The following PIGS variants were observed in gnomAD, a reference collection of about 807,000 sequenced individuals.
PIGS encodes phosphatidylinositol glycan anchor biosynthesis class S.
In PIGS, 37 loss-of-function variants were observed where a neutral mutation model predicts 58.2. The observed-to-expected ratio is 0.64, with a 90% CI of 0.49 to 0.84. PIGS has a LOEUF of 0.84. Ranked by LOEUF, PIGS falls within the 40% of genes least tolerant of loss-of-function variation. The pLI, the probability that PIGS is intolerant of heterozygous loss-of-function variation, is 0.00. For synonymous variants in PIGS, 269 were observed against 289.2 expected (o/e 0.93, Z 0.71); for missense variants, 629 against 710.8 (o/e 0.88, Z 1.31).
rs768689521 is a variant in PIGS, at chr17:28,554,872, A to G, written c.1371T>C (p.Ile457=). 2 of 1,614,140 alleles carry G rather than the reference A, an allele frequency of 1.2e-6. No homozygotes were observed. The highest frequency in any genetic ancestry group is 2.2e-5 in the South Asian group (2 of 91,084). ...QLLGKISNIV[I]KDDVASEVYK... ...TTACCTCAGATGCCACGTCGTCCTT[A>G]ATGACAATGTTGCTGATCTTGCCCA... is the stretch of plus-strand genomic sequence containing the variant. The change falls in exon 11 of 12, where the codon ATT becomes ATC. Residue 457 remains isoleucine, a synonymous_variant. Coordinates refer to ENST00000308360, the MANE Select transcript of PIGS (RefSeq NM_033198.4).
rs2070307205 is a variant in PIGS, at chr17:28,553,933, T to A, written c.*287A>T. 6.7e-6 allele frequency: 3 copies of A among 449,494 alleles called. No individual in the cohort carries two copies. Among genetic ancestry groups the A allele is most frequent in the Non-Finnish European group, 1.2e-5 (3 of 244,942 alleles). The allele number at this position is 449,494 out of a possible 1,614,324, so 27.8% of individuals were successfully genotyped here. A position where few individuals can be genotyped will look rare whatever the true frequency, so the allele number is the denominator to read the frequency against. On this transcript the variant is annotated 3_prime_UTR_variant, in exon 12 of 12. Transcript: ENST00000308360. ...AATGGGGCAAAAGAACAAACAGTCC[T>A]TGCCACAGAGGGAGACAGGCAGCAG...
intron 7 of PIGS, among the ~76,000 whole-genome samples, chr17:28,559,297 C>T (rs970223299): frequency 6.6e-6 from 1 of 151,440 alleles, no homozygotes; most frequent in African/African-American, 2.4e-5. Flanking sequence ...ATTGTTACTA[C>T]AATAACAAAT....
intron 3 of PIGS, 104 bp downstream of exon 3, chr17:28,570,747 AG>A (rs1809401835): frequency 1.9e-6 from 2 of 1,071,604 alleles, no homozygotes; most frequent in Admixed American, 2.0e-5. Flanking sequence ...GTCTTTCAAC[AG>A]TAAGTTTTTA....
In PIGS at chr17:28,570,891, G is replaced by T. The variant is rs769875266; in HGVS notation, c.247C>A (p.Pro83Thr). 2 of 1,614,114 alleles carry T rather than the reference G, an allele frequency of 1.2e-6. No individual in the cohort carries two copies. Among genetic ancestry groups the T allele is most frequent in the African/African-American group, 2.7e-5 (2 of 74,932 alleles). The change falls in exon 3 of 12, where the codon CCC (proline) becomes ACC (threonine). Residue 83 changes from proline to threonine, a missense_variant. By Grantham distance (38) the Pro-to-Thr change is conservative. Transcript: ENST00000308360. ...TCTCTTTCATGCACAACGGTGAAGG[G>T]CAGCTTCTCCTGGTCGTCCAGGGGC... is the stretch of plus-strand genomic sequence containing the variant. ...SVPLDDQEKLPFTVVHEREIP... is the reference protein window; with the variant it reads ...SVPLDDQEKLTFTVVHEREIP...
Position 28,570,895 on chromosome 17 carries a change from C to A in PIGS, c.243G>T (p.Lys81Asn). 6.2e-7 allele frequency: 1 copy of A among 1,614,236 alleles called. No homozygotes were observed. The highest frequency in any genetic ancestry group is 2.2e-5 in the East Asian group (1 of 44,892). ...TTTCATGCACAACGGTGAAGGGCAG[C>A]TTCTCCTGGTCGTCCAGGGGCACTG... ...RESVPLDDQE[K>N]LPFTVVHERE... Residue 81 changes from lysine to asparagine, a missense_variant, in exon 3 of 12, where the codon AAG (lysine) becomes AAT (asparagine). Coordinates refer to ENST00000308360, the MANE Select transcript of PIGS (RefSeq NM_033198.4).
intron 3 of PIGS, 80 bp from the exon 4 acceptor site, chr17:28,563,987 G>T: frequency 8.2e-7 from 1 of 1,222,950 alleles, no homozygotes; most frequent in Non-Finnish European, 1.2e-6. Context: ...ACACTGTCCA[G>T]CATCTGAGGA....
intron 9 of PIGS, 72 bp from the exon 10 acceptor site, chr17:28,556,338 G>T: frequency 8.5e-7 from 1 of 1,173,472 alleles, no homozygotes; most frequent in Non-Finnish European, 1.3e-6. Flanking sequence ...GCACTCTGGA[G>T]AGAAAAGGAA....
At chr17:28,558,158 T>C (rs955046667) in intron 8 of PIGS, among the ~76,000 whole-genome samples, 1 of 152,100 alleles carries the variant, frequency 6.6e-6, no homozygotes, top group African/African-American at 2.4e-5. Flanking sequence ...TTTTGAAAAT[T>C]AGCCAAGTGT....
intron 8 of PIGS, among the ~76,000 whole-genome samples, chr17:28,557,955 A>C (rs762400827): frequency 3.8e-4 from 58 of 152,334 alleles, no homozygotes; most frequent in Non-Finnish European, 6.9e-4. Context: ...ATCACGTTTA[A>C]TAAATGCTTT....
chr17:28,561,694 C>A, intron 5 of PIGS, 65 bp from the exon 6 acceptor site: 1 of 1,508,684 alleles, frequency 6.6e-7, no homozygotes, highest in Non-Finnish European at 9.0e-7. Flanking sequence ...AGCACCCTGG[C>A]TCCTACTGTT....
chr17:28,563,305 A>T (rs550566998), intron 5 of PIGS, 126 bp downstream of exon 5: 413 of 766,840 alleles, frequency 5.4e-4, no homozygotes, highest in East Asian at 2.8e-3. Context: ...AAAAAAAAAA[A>T]TTTTTTTTTG....
At chr17:28,558,322 G>A (rs1196307898) in intron 8 of PIGS, among the ~76,000 whole-genome samples, 154 bp downstream of exon 8, 1 of 152,080 alleles carries the variant, frequency 6.6e-6, no homozygotes, top group African/African-American at 2.4e-5. Flanking sequence ...AGAAAAAAAG[G>A]AGCCTCAATC....
In PIGS at chr17:28,561,548, G is replaced by A. The variant is rs1352168942; in HGVS notation, c.550C>T (p.Arg184Cys). The A allele has an allele frequency of 6.8e-6, 11 of 1,613,868 alleles. No individual in the cohort carries two copies. Among genetic ancestry groups the A allele is most frequent in the Middle Eastern group, 1.6e-4 (1 of 6,062 alleles). Reference protein sequence around the residue: ...MHREAFNIIGRRIVQVAQAMS... With the variant: ...MHREAFNIIGCRIVQVAQAMS... ...GCCTGGGCCACCTGGACTATGCGGC[G>A]GCCAATGATGTTAAAGGCCTCCCGG... The change falls in exon 6 of 12, where the codon CGC becomes TGC. Residue 184 changes from arginine to cysteine, a missense_variant. Transcript: ENST00000308360.
In PIGS at chr17:28,571,458, C is replaced by G; in HGVS notation, c.34+5G>C. 1 of 1,610,300 alleles carries G rather than the reference C, an allele frequency of 6.2e-7. No individual in the cohort carries two copies. The highest frequency in any genetic ancestry group is 8.5e-7 in the Non-Finnish European group (1 of 1,178,634). ...TGCAGGCCCCCCACCCGAAGCCCAC[C>G]GCACCTAGGTGTGTAGCCGCAGCCC... On this transcript the variant is annotated splice_donor_5th_base_variant and intron_variant, in intron 1 of 11. Transcript: ENST00000308360.
At chr17:28,555,107 C>A (rs370288065) in intron 10 of PIGS, 46 bp from the exon 11 acceptor site, 6 of 1,505,792 alleles carry the variant, frequency 4.0e-6, no homozygotes, top group Non-Finnish European at 5.5e-6. Flanking sequence ...GACCACAAGG[C>A]GGGAGATCAT....
At chr17:28,558,431 C>T (rs897972811) in intron 8 of PIGS, 45 bp downstream of exon 8, 19 of 1,500,282 alleles carry the variant, frequency 1.3e-5, no homozygotes, top group Non-Finnish European at 1.6e-5. Flanking sequence ...CAGGGTCCCT[C>T]CCTAGCCTGG....
intron 3 of PIGS, among the ~76,000 whole-genome samples, chr17:28,569,177 A>T (rs1478944683): frequency 2.0e-5 from 3 of 151,140 alleles, no homozygotes; most frequent in South Asian, 2.1e-4. Flanking sequence ...TCATTTTTTT[A>T]AAAAAATGTT....
In PIGS at chr17:28,554,022, G is replaced by C. The variant is rs1319392421; in HGVS notation, c.*198C>G. On this transcript the variant is annotated 3_prime_UTR_variant, in exon 12 of 12. Transcript: ENST00000308360. ...TTTTGAGGCCCCTGGTGGTGGAGGA[G>C]GATTGAGCCAGGTGAATGGGAAAGG... 10 of 667,426 alleles carry C rather than the reference G, an allele frequency of 1.5e-5. No individual in the cohort carries two copies. The highest frequency in any genetic ancestry group is 2.0e-5 in the Non-Finnish European group (8 of 402,992). 41.3% of individuals were successfully genotyped at this position (667,426 alleles called of 1,614,324 possible).
intron 3 of PIGS, among the ~76,000 whole-genome samples, chr17:28,566,226 C>CA (rs35456812): frequency 0.017 from 943 of 55,172 alleles, 11 homozygotes; most frequent in East Asian, 0.026. Context: ...GACCCTATCT[C>CA]AAAAAAAAAA....
Sources: allele counts gnomAD v4.1 joint callset (sites outside exome capture counted in the v4.1 genomes callset), GRCh38; gene constraint gnomAD v4.1.1; transcripts MANE v1.5; gene names NCBI Gene and HGNC (gene_info 2026-07-23, HGNC 2026-07-21).